The following ST8SIA6 variants were observed in gnomAD, a reference collection of about 807,000 sequenced individuals.
ST8SIA6 encodes ST8 alpha-N-acetyl-neuraminide alpha-2,8-sialyltransferase 6, also known as alpha-2,8-sialyltransferase 8F.
ST8SIA6 carries 39 observed loss-of-function variants against 33.6 expected under a neutral mutation model. The ratio of observed to expected loss-of-function variants is 1.16; its 90% confidence interval spans 0.90 to 1.52. ST8SIA6 has a LOEUF of 1.52. ST8SIA6 is among the 40% of genes most tolerant of loss of function. ST8SIA6 has a pLI of 0.00. For missense variants in ST8SIA6, 441 were observed against 443.8 expected (o/e 0.99, Z 0.06); for synonymous variants, 172 against 167.2 (o/e 1.03, Z -0.22).
intron 3 of ST8SIA6, among the ~76,000 whole-genome samples, chr10:17,366,081 T>C (rs922555958): frequency 2.0e-5 from 3 of 152,166 alleles, no homozygotes; most frequent in Non-Finnish European, 4.4e-5. Flanking sequence ...TTTAAAGGAA[T>C]AGCTAATGAG....
Position 17,321,218 on chromosome 10 carries a change from G to C in ST8SIA6, c.857C>G (p.Thr286Arg). The change falls in exon 8 of 8, where the codon ACG (threonine) becomes AGG (arginine). Residue 286 changes from threonine (T) to arginine (R), a missense_variant. By Grantham distance (71) the Thr-to-Arg change is moderately conservative (BLOSUM62 -1). Coordinates refer to ENST00000377602, the MANE Select transcript of ST8SIA6 (RefSeq NM_001004470.3). ...TTGTCTTGCTTTAGACTCTTCGAGCGTGTAGTATACTTTGAAAGAGGTACC... is the reference window on the plus strand; with the variant it reads ...TTGTCTTGCTTTAGACTCTTCGAGCCTGTAGTATACTTTGAAAGAGGTACC... ...NTGTSFKVYY[T>R]LEESKARQKV... The C allele has an allele frequency of 6.2e-7, 1 of 1,614,002 alleles. No individual in the cohort carries two copies. The highest frequency in any genetic ancestry group is 1.1e-5 in the South Asian group (1 of 91,072).
intron 2 of ST8SIA6, among the ~76,000 whole-genome samples, chr10:17,432,793 A>G (rs562864850): frequency 3.6e-4 from 55 of 152,078 alleles, no homozygotes; most frequent in Non-Finnish European, 3.1e-4. Flanking sequence ...ACTTAGAAGT[A>G]TGTGCCTATA....
chr10:17,374,764 T>TATATATATATATATATATACAC (rs1441288579), intron 3 of ST8SIA6, among the ~76,000 whole-genome samples: 2,086 of 126,502 alleles, frequency 0.016, 94 homozygotes, highest in East Asian at 0.094. Flanking sequence ...TATATATATA[T>TATATATATATATATATATACAC]ATATTTAGCT....
intron 2 of ST8SIA6, among the ~76,000 whole-genome samples, chr10:17,444,352 G>A (rs1449664073): frequency 1.3e-5 from 2 of 152,158 alleles, no homozygotes; most frequent in Admixed American, 6.5e-5. Flanking sequence ...AAACATCCCA[G>A]CCTCTTTGTT....
chr10:17,396,940 A>G (rs916530813), intron 2 of ST8SIA6, among the ~76,000 whole-genome samples: 4 of 152,210 alleles, frequency 2.6e-5, no homozygotes, highest in Non-Finnish European at 5.9e-5. Flanking sequence ...CCTGGCTTCC[A>G]CCACAGTCCT....
chr10:17,371,464 G>A (rs976891523), intron 3 of ST8SIA6, among the ~76,000 whole-genome samples: 2 of 152,014 alleles, frequency 1.3e-5, no homozygotes, highest in South Asian at 2.1e-4. Context: ...TCAAAAATAA[G>A]GAGACGTGAG....
At chr10:17,435,337 A>G (rs45590437) in intron 2 of ST8SIA6, among the ~76,000 whole-genome samples, 2,043 of 152,268 alleles carry the variant, frequency 0.013, 26 homozygotes, top group Non-Finnish European at 0.022. Context: ...ATTTCCTATG[A>G]GACACACTGC....
At chr10:17,415,792 G>A (rs1030996371) in intron 2 of ST8SIA6, among the ~76,000 whole-genome samples, 1 of 145,548 alleles carries the variant, frequency 6.9e-6, no homozygotes, top group Admixed American at 6.9e-5. Context: ...TTCAATGGAC[G>A]CCTCACTTGT....
At chr10:17,451,965 A>C (rs572718208) in intron 2 of ST8SIA6, among the ~76,000 whole-genome samples, 5 of 152,170 alleles carry the variant, frequency 3.3e-5, no homozygotes, top group Non-Finnish European at 7.3e-5. Context: ...GTCAAAAGAA[A>C]GTGAAAAATT....
At chr10:17,451,406 GAC>G (rs1852904111) in intron 2 of ST8SIA6, among the ~76,000 whole-genome samples, 3 of 152,166 alleles carry the variant, frequency 2.0e-5, no homozygotes, top group Admixed American at 1.3e-4. Context: ...AAACACTGGA[GAC>G]ACAGAAAGGT....
intron 4 of ST8SIA6, among the ~76,000 whole-genome samples, chr10:17,346,626 C>G (rs1848846194): frequency 6.6e-6 from 1 of 152,080 alleles, no homozygotes; most frequent in East Asian, 1.9e-4. Flanking sequence ...AAAAAATTCC[C>G]CAGCTGAGCC....
At chr10:17,357,203 GC>G (rs953008784) in intron 4 of ST8SIA6, among the ~76,000 whole-genome samples, 2 of 151,478 alleles carry the variant, frequency 1.3e-5, no homozygotes, top group African/African-American at 2.4e-5. Context: ...GGCACAATCT[GC>G]AACCTCTGCC....
chr10:17,397,233 G>GTTT (rs34049805), intron 2 of ST8SIA6, among the ~76,000 whole-genome samples: 3,455 of 124,142 alleles, frequency 0.028, 146 homozygotes, highest in South Asian at 0.048. Flanking sequence ...ATTGTTTTTT[G>GTTT]TTTTTTTTTT....
intron 4 of ST8SIA6, among the ~76,000 whole-genome samples, chr10:17,345,886 C>CT (rs1471312905): frequency 1.3e-5 from 2 of 152,292 alleles, no homozygotes; most frequent in Non-Finnish European, 2.9e-5. Context: ...ACCATCAACT[C>CT]TTTCTCTCCC....
chr10:17,383,542 A>G (rs1588867739), intron 3 of ST8SIA6, among the ~76,000 whole-genome samples: 1 of 152,304 alleles, frequency 6.6e-6, no homozygotes. Flanking sequence ...TTTCTTGTCA[A>G]TTGTGTTTTT....
chr10:17,435,655 C>T (rs1052166083), intron 2 of ST8SIA6, among the ~76,000 whole-genome samples: 2 of 127,006 alleles, frequency 1.6e-5, no homozygotes, highest in Non-Finnish European at 3.1e-5. Flanking sequence ...TGACTATTCT[C>T]TATCTTAAAC....
At chr10:17,404,283 G>A (rs74411010) in intron 2 of ST8SIA6, among the ~76,000 whole-genome samples, 4,377 of 152,198 alleles carry the variant, frequency 0.029, 67 homozygotes, top group South Asian at 0.056. Context: ...GTCGCTGTCC[G>A]AGTTGGAAGT....
intron 2 of ST8SIA6, among the ~76,000 whole-genome samples, chr10:17,430,228 A>G (rs1179430606): frequency 6.6e-6 from 1 of 152,164 alleles, no homozygotes; most frequent in Non-Finnish European, 1.5e-5. Context: ...AAAAGACATT[A>G]TTTTGTTTCT....
chr10:17,343,453 T>C (rs1848736571), intron 4 of ST8SIA6, among the ~76,000 whole-genome samples: 1 of 152,166 alleles, frequency 6.6e-6, no homozygotes, highest in Non-Finnish European at 1.5e-5. Flanking sequence ...CAGAAAATAG[T>C]TTCTAAATTT....
Sources: allele counts gnomAD v4.1 joint callset (sites outside exome capture counted in the v4.1 genomes callset), GRCh38; gene constraint gnomAD v4.1.1; transcripts MANE v1.5; gene names NCBI Gene and HGNC (gene_info 2026-07-23, HGNC 2026-07-21).